PSG4: variants seen among roughly 807,000 people sequenced by gnomAD.
PSG4 encodes the protein pregnancy-specific beta-1-glycoprotein 4.
Under a neutral mutation model 44.3 loss-of-function variants are expected in PSG4, and 61 were observed. The observed-to-expected ratio is 1.38, with a 90% CI of 1.12 to 1.70. The LOEUF (loss-of-function observed/expected upper bound fraction) is 1.70. Among genes scored for constraint, PSG4 ranks in the 40% most tolerant of loss-of-function variants. The pLI, the probability that PSG4 is intolerant of heterozygous loss-of-function variation, is 0.00. For missense variants in PSG4, 677 were observed against 511.7 expected, an observed-to-expected ratio of 1.32 and a Z score of -3.12; for synonymous variants, 248 against 191.3, an observed-to-expected ratio of 1.30 and a Z score of -2.45.
rs1197875002 is a variant in PSG4 at position 43,197,117 on chromosome 19, C to T, written c.709+880G>A. 1.4e-5 allele frequency among the ~76,000 whole-genome samples: 2 copies of T among 145,572 alleles called. 1 individual carries two copies. The highest frequency in any genetic ancestry group is 1.4e-4 in the Admixed American group (2 of 14,658). On this transcript the variant is annotated intron_variant, in intron 3 of 5. Transcript: ENST00000405312. The stretch of plus-strand genomic sequence containing the variant: ...ATGTTAATGTGAATTGAAATTATTT[C>T]CTTAATTTCCTTTCAGATTGTTCAT...
chr19:43,201,064 G>A (rs1030289575), intron 2 of PSG4, among the ~76,000 whole-genome samples: 1 of 145,586 alleles, frequency 6.9e-6, no homozygotes, highest in Non-Finnish European at 1.5e-5. Context: ...TTTGGGGACT[G>A]CAGGCCTGTC....
intron 1 of PSG4, chr19:43,205,088 C>CT (rs1967713918): frequency 6.6e-6 from 1 of 151,978 alleles, no homozygotes; most frequent in Non-Finnish European, 1.2e-5. Context: ...CCCTTTTCTT[C>CT]TTTTTTCTTT....
Position 43,195,140 on chromosome 19 carries a change from A to C in PSG4, c.843T>G (p.Pro281=), listed in dbSNP as rs28758934. The C allele has an allele frequency of 0.046, 71,995 of 1,563,716 alleles. 4,989 individuals carry two copies. Among genetic ancestry groups the C allele is most frequent in the Middle Eastern group, 0.065 (287 of 4,446 alleles). ...TGGGTCGCTTTACCCTGGGACTGAC[A>C]GGGAGGCTCTGACCATTTAGCCACC... The part of the protein sequence containing the change: ...YIWWLNGQSL[P]VSPRVKRPIE... The change falls in exon 4 of 6, where the codon CCT becomes CCG. Residue 281 remains proline (P), a synonymous_variant. Coordinates refer to ENST00000405312, the MANE Select transcript of PSG4 (RefSeq NM_002780.5).
chr19:43,200,134 T>C lies in PSG4; in HGVS notation c.431-1859A>G, dbSNP rs750779445. The stretch of plus-strand genomic sequence containing the variant: ...TTCATTTTCTGTTAAGCTCAGGAAA[T>C]ACCACTAAAGTTTAAGTTTGTGTGA... On this transcript the variant is annotated intron_variant, in intron 2 of 5. Coordinates refer to ENST00000405312, the MANE Select transcript of PSG4 (RefSeq NM_002780.5). Among the ~76,000 whole-genome samples, 5 of 145,646 alleles carry C rather than the reference T, an allele frequency of 3.4e-5. 1 individual carries two copies. Among genetic ancestry groups the C allele is most frequent in the African/African-American group, 5.3e-5 (2 of 37,976 alleles).
At chr19:43,199,742 T>G (rs1967420103) in intron 2 of PSG4, among the ~76,000 whole-genome samples, 1 of 145,598 alleles carries the variant, frequency 6.9e-6, no homozygotes, top group South Asian at 2.2e-4. Context: ...GGAGGAAACA[T>G]TAAAATGTTT....
chr19:43,204,698 C>CCCCCCCCCCCCCCCCG (rs750928690), intron 1 of PSG4: 2 of 155,460 alleles, frequency 1.3e-5, no homozygotes, highest in Non-Finnish European at 2.4e-5. Flanking sequence ...CTGTCTTCCC[C>CCCCCCCCCCCCCCCCG]CCACGATGAC....
intron 3 of PSG4, chr19:43,197,681 T>C: frequency 2.2e-6 from 1 of 447,228 alleles, no homozygotes; most frequent in East Asian, 6.6e-5. Flanking sequence ...AGTGACCCTG[T>C]GAGCCAAGTC....
Position 43,198,030 on chromosome 19 carries a change from T to G in PSG4, c.676A>C (p.Ser226Arg). ...ECEIRNPVSA[S>R]RSDPVTLNLL... ...TTCAGGGTGACTGGGTCACTGCGGC[T>G]GGCACTCACTGGGTTCCGTATTTCA... The change falls in exon 3 of 6, where the codon AGC (serine) becomes CGC (arginine). Residue 226 changes from serine (S) to arginine (R), a missense_variant. Physicochemically the swap from Ser to Arg is moderately radical, Grantham distance 110 (BLOSUM62 -1). Coordinates refer to ENST00000405312, the MANE Select transcript of PSG4 (RefSeq NM_002780.5). The G allele has an allele frequency of 1.3e-6, 2 of 1,587,818 alleles. No individual in the cohort carries two copies. Among genetic ancestry groups the G allele is most frequent in the South Asian group, 2.2e-5 (2 of 89,930 alleles).
At position 43,203,657 on chromosome 19, in the gene PSG4, A is replaced by G. The variant is rs181787846; in HGVS notation, c.430+229T>C. Reference sequence around the variant, plus strand: ...TCTCCTCCTGCTGAGTCCCCCCATCAGACTGTCCTTCCTCTGCAGCGAGTG... The same window carrying G: ...TCTCCTCCTGCTGAGTCCCCCCATCGGACTGTCCTTCCTCTGCAGCGAGTG... On this transcript the variant is annotated intron_variant, in intron 2 of 5. Transcript: ENST00000405312. 1.2e-5 allele frequency: 9 copies of G among 751,450 alleles called. No individual in the cohort carries two copies. The Admixed American group carries it at 2.9e-4, about 24-fold the overall frequency. The allele number at this position is 751,450 out of a possible 1,614,324, so 46.5% of individuals were successfully genotyped here.
intron 1 of PSG4, 125 bp downstream of exon 1, chr19:43,205,348 C>G: frequency 8.4e-7 from 1 of 1,184,222 alleles, no homozygotes; most frequent in Non-Finnish European, 1.2e-6. Flanking sequence ...ATCTCCTGAT[C>G]CACCCAACTC....
rs145462664 is a variant in PSG4 at position 43,196,699 on chromosome 19, C to G, written c.709+1298G>C. On this transcript the variant is annotated intron_variant, in intron 3 of 5. Coordinates refer to ENST00000405312, the MANE Select transcript of PSG4 (RefSeq NM_002780.5). Reference sequence around the variant, plus strand: ...TCAATTCCATACTGGCCATGCTGCACTCATATATTTTTTAAAGCTTTGGGA... The same window carrying G: ...TCAATTCCATACTGGCCATGCTGCAGTCATATATTTTTTAAAGCTTTGGGA... 6 of 151,400 alleles carry G rather than the reference C, an allele frequency of 4.0e-5. 1 individual carries two copies. Among genetic ancestry groups the G allele is most frequent in the Non-Finnish European group, 5.9e-5 (4 of 67,872 alleles). 9.4% of individuals were successfully genotyped at this position (151,400 alleles called of 1,614,324 possible). A position where few individuals can be genotyped will look rare whatever the true frequency, so the allele number is the denominator to read the frequency against.
chr19:43,194,229 T>C (rs1599764666), intron 5 of PSG4, 111 bp downstream of exon 5: 1 of 1,592,476 alleles, frequency 6.3e-7, no homozygotes. Context: ...TGGGATTTGC[T>C]TGTGCCCATG....
chr19:43,196,190 A>C (rs1004828902), intron 3 of PSG4, among the ~76,000 whole-genome samples: 2 of 151,618 alleles, frequency 1.3e-5, no homozygotes, highest in South Asian at 2.1e-4. Context: ...TTTGGAGAGA[A>C]GTTTTGCAAA....
chr19:43,203,829 G>T (rs1967627840), intron 2 of PSG4, 57 bp downstream of exon 2: 1 of 1,562,902 alleles, frequency 6.4e-7, no homozygotes, highest in Admixed American at 1.8e-5. Context: ...TCCTGTGTGT[G>T]TGAAGTAGAA....
At chr19:43,195,355 TC>T in intron 3 of PSG4, 82 bp from the exon 4 acceptor site, 3 of 1,557,934 alleles carry the variant, frequency 1.9e-6, no homozygotes, top group Non-Finnish European at 2.6e-6. Flanking sequence ...AGTTGGCATC[TC>T]CCACCTCTCA....
In PSG4 at chr19:43,200,918, A is replaced by G. The variant is rs1245377894; in HGVS notation, c.431-2643T>C. Among the ~76,000 whole-genome samples, 2 of 146,126 alleles carry G rather than the reference A, an allele frequency of 1.4e-5. 1 individual carries two copies. Among genetic ancestry groups the G allele is most frequent in the South Asian group, 4.3e-4 (2 of 4,670 alleles). On this transcript the variant is annotated intron_variant, in intron 2 of 5. Coordinates refer to ENST00000405312, the MANE Select transcript of PSG4 (RefSeq NM_002780.5). Reference sequence around the variant, plus strand: ...TGTTGACTTTTTACTTAGTGTTAGAACGGAGTCACAAATTTTAAGCTTGTT... The same window carrying G: ...TGTTGACTTTTTACTTAGTGTTAGAGCGGAGTCACAAATTTTAAGCTTGTT...
chr19:43,193,418 A>G (rs778983426), intron 5 of PSG4, 30 bp from the exon 6 acceptor site: 1 of 767,492 alleles, frequency 1.3e-6, no homozygotes, highest in Non-Finnish European at 2.4e-6. Flanking sequence ...ACACAGAAAC[A>G]ATGAACAGAG....
chr19:43,194,784 A>T, intron 4 of PSG4, 190 bp from the exon 5 acceptor site: 2 of 1,415,468 alleles, frequency 1.4e-6, no homozygotes, highest in East Asian at 2.3e-5. Flanking sequence ...TTAGGCCCCA[A>T]GTCTCCCATG....
At position 43,194,578 on chromosome 19, in the gene PSG4, G is replaced by C; in HGVS notation, c.1005C>G (p.Pro335=). ...AATAGGTGAATGAAGGGTAAATGCT[G>C]GGGAGGTCTGGACCATCTGGCGCAA... is the stretch of plus-strand genomic sequence containing the variant. ...TLNVLYGPDL[P]SIYPSFTYYR... Residue 335 remains proline, a synonymous_variant, in exon 5 of 6, where the codon CCC becomes CCG. Coordinates refer to ENST00000405312, the MANE Select transcript of PSG4 (RefSeq NM_002780.5). The C allele has an allele frequency of 6.2e-7, 1 of 1,611,550 alleles. No individual in the cohort carries two copies. The highest frequency in any genetic ancestry group is 8.5e-7 in the Non-Finnish European group (1 of 1,178,594).
Sources: allele counts gnomAD v4.1 joint callset (sites outside exome capture counted in the v4.1 genomes callset), GRCh38; gene constraint gnomAD v4.1.1; transcripts MANE v1.5; gene names NCBI Gene and HGNC (gene_info 2026-07-23, HGNC 2026-07-21).